The following IFT43 variants were observed in gnomAD, a reference collection of about 807,000 sequenced individuals.
IFT43 encodes the protein intraflagellar transport 43.
A neutral mutation model predicts 32.3 loss-of-function variants in IFT43; 33 were observed. The ratio of observed to expected loss-of-function variants is 1.02; its 90% CI spans 0.77 to 1.37. The LOEUF (loss-of-function observed/expected upper bound fraction) is 1.37, where lower values mean the gene tolerates loss of function less well. Among genes scored for constraint, IFT43 ranks in the 40% most tolerant of loss-of-function variants. IFT43 has a pLI of 0.00. For missense variants in IFT43, 274 were observed against 265.9 expected (o/e 1.03, Z -0.21); for synonymous variants, 93 against 98.2 (o/e 0.95, Z 0.31).
intron 2 of IFT43, among the ~76,000 whole-genome samples, chr14:75,990,142 G>A (rs752325839): frequency 3.3e-5 from 5 of 152,210 alleles, no homozygotes; most frequent in Non-Finnish European, 7.3e-5. Flanking sequence ...GAGGCCACAT[G>A]CCCCCTCTAA....
At chr14:76,026,871 T>A (rs1470282245) in intron 3 of IFT43, among the ~76,000 whole-genome samples, 1 of 152,226 alleles carries the variant, frequency 6.6e-6, no homozygotes, top group East Asian at 1.9e-4. Context: ...GAAAATGTTG[T>A]ACATATACAC....
At chr14:76,067,468 G>T (rs1019042747) in intron 5 of IFT43, among the ~76,000 whole-genome samples, 1 of 152,028 alleles carries the variant, frequency 6.6e-6, no homozygotes, top group Non-Finnish European at 1.5e-5. Context: ...TACTCAGGAG[G>T]CTGAGGCAGG....
At chr14:76,074,531 A>G (rs1177830388) in intron 5 of IFT43, among the ~76,000 whole-genome samples, 2 of 152,190 alleles carry the variant, frequency 1.3e-5, no homozygotes, top group Admixed American at 6.5e-5. Context: ...ACTCTTCCCT[A>G]TAGAGAGTCC....
At chr14:76,047,259 T>G (rs2036825417) in intron 3 of IFT43, among the ~76,000 whole-genome samples, 1 of 152,174 alleles carries the variant, frequency 6.6e-6, no homozygotes, top group Non-Finnish European at 1.5e-5. Context: ...GGGCCTGAGA[T>G]TAGAGCTCAG....
chr14:76,010,552 T>G (rs2036063956), intron 2 of IFT43, among the ~76,000 whole-genome samples: 1 of 152,092 alleles, frequency 6.6e-6, no homozygotes, highest in South Asian at 2.1e-4. Context: ...TTTTGCCATA[T>G]TTGCTTAAAT....
intron 3 of IFT43, among the ~76,000 whole-genome samples, chr14:76,042,220 GTTA>G: frequency 6.6e-6 from 1 of 150,822 alleles, no homozygotes; most frequent in East Asian, 2.0e-4. Flanking sequence ...AGTAGGTGCT[GTTA>G]TTATCCCTGC....
At chr14:76,017,721 T>C (rs2036215228) in intron 2 of IFT43, among the ~76,000 whole-genome samples, 1 of 152,188 alleles carries the variant, frequency 6.6e-6, no homozygotes. Context: ...ACTGATTCAA[T>C]CTCATTACTT....
intron 2 of IFT43, among the ~76,000 whole-genome samples, chr14:75,990,634 T>C (rs2035619806): frequency 6.6e-6 from 1 of 151,626 alleles, no homozygotes; most frequent in Non-Finnish European, 1.5e-5. Flanking sequence ...GGCAGGGAGG[T>C]TGGGAGGCGA....
intron 3 of IFT43, among the ~76,000 whole-genome samples, chr14:76,057,475 C>T (rs1418899766): frequency 1.3e-5 from 2 of 152,074 alleles, no homozygotes; most frequent in African/African-American, 2.4e-5. Flanking sequence ...AAATGATCCA[C>T]CTGCCTTGGC....
intron 3 of IFT43, among the ~76,000 whole-genome samples, chr14:76,048,666 G>C (rs768405711): frequency 6.6e-6 from 1 of 152,116 alleles, no homozygotes; most frequent in Non-Finnish European, 1.5e-5. Flanking sequence ...CTAGTGGGTC[G>C]GTCAGTGATT....
intron 2 of IFT43, among the ~76,000 whole-genome samples, chr14:76,020,931 A>G (rs1335729405): frequency 6.6e-6 from 1 of 152,056 alleles, no homozygotes; most frequent in African/African-American, 2.4e-5. Context: ...GGTGGCTGCA[A>G]GCTGGGTAGA....
intron 3 of IFT43, among the ~76,000 whole-genome samples, chr14:76,043,806 G>A (rs187106979): frequency 6.6e-5 from 10 of 152,270 alleles, no homozygotes; most frequent in African/African-American, 2.4e-4. Flanking sequence ...CTATCTGCCT[G>A]GAGTTAACAT....
intron 5 of IFT43, among the ~76,000 whole-genome samples, chr14:76,079,925 G>A (rs560173614): frequency 6.6e-5 from 10 of 151,838 alleles, no homozygotes; most frequent in African/African-American, 2.4e-4. Flanking sequence ...CATGGTATAC[G>A]TGAGAGTGGG....
chr14:76,054,495 T>A lies in IFT43; in HGVS notation c.216-4147T>A, dbSNP rs184788418. 1.7e-3 allele frequency among the ~76,000 whole-genome samples: 257 copies of A among 152,358 alleles called. 1 individual carries two copies. Among genetic ancestry groups the A allele is most frequent in the African/African-American group, 5.9e-3 (247 of 41,578 alleles). ...CCTCATCACTAACTAGCTCTGTGAT[T>A]TGGGTGAAGCCCACAGCTGCAGTGC... On this transcript the variant is annotated intron_variant, in intron 3 of 8. Coordinates refer to ENST00000314067, the MANE Select transcript of IFT43 (RefSeq NM_001102564.3).
chr14:76,074,170 G>T (rs2037372254), intron 5 of IFT43, among the ~76,000 whole-genome samples: 1 of 152,154 alleles, frequency 6.6e-6, no homozygotes, highest in African/African-American at 2.4e-5. Context: ...AATCAGATAT[G>T]CCTGGTTTCT....
intron 4 of IFT43, 26 bp downstream of exon 4, chr14:76,058,700 A>G (rs746805813): frequency 3.7e-6 from 6 of 1,610,212 alleles, no homozygotes; most frequent in Admixed American, 1.7e-5. Context: ...TCTTATTCTT[A>G]TGGTATCCTA....
intron 3 of IFT43, among the ~76,000 whole-genome samples, chr14:76,057,807 A>T (rs1369346844): frequency 1.3e-5 from 2 of 152,202 alleles, no homozygotes; most frequent in African/African-American, 2.4e-5. Flanking sequence ...CCCTATGATG[A>T]CAGAATAGTG....
intron 2 of IFT43, among the ~76,000 whole-genome samples, chr14:76,008,690 A>G (rs923458755): frequency 2.6e-5 from 4 of 152,164 alleles, no homozygotes; most frequent in Non-Finnish European, 5.9e-5. Context: ...TCCTTGATTC[A>G]GTCCCTCCTT....
chr14:76,030,412 G>A (rs1322272371), intron 3 of IFT43, among the ~76,000 whole-genome samples: 1 of 152,096 alleles, frequency 6.6e-6, no homozygotes, highest in Admixed American at 6.6e-5. Context: ...TAGTCCAGGA[G>A]TCAGCTACTT....
Sources: gnomAD v4.1 joint callset for allele counts (sites outside exome capture counted in the v4.1 genomes callset) on GRCh38, gnomAD v4.1.1 for gene constraint, MANE v1.5 for transcripts, NCBI Gene and HGNC (gene_info 2026-07-23, HGNC 2026-07-21) for gene names.